The following GNG2 variants were observed in gnomAD, a reference collection of about 807,000 sequenced individuals.
The protein encoded by GNG2 is guanine nucleotide-binding protein G(I)/G(S)/G(O) subunit gamma-2.
In GNG2, 5 loss-of-function variants were observed where a neutral mutation model predicts 5.5. The ratio of observed to expected loss-of-function variants is 0.91; its 90% CI spans 0.48 to 1.92. The LOEUF is 1.92. Ranked by LOEUF, GNG2 falls within the 30% of genes most tolerant of loss-of-function variation. The pLI is 0.01. For synonymous variants in GNG2, 28 were observed against 32.0 expected, an observed-to-expected ratio of 0.88 and a Z score of 0.42; for missense variants, 55 against 88.4, an observed-to-expected ratio of 0.62 and a Z score of 1.52.
In GNG2 at chr14:51,866,403, C is replaced by T. The variant is rs146355659; in HGVS notation, c.-71+5613C>T. On this transcript the variant is annotated intron_variant, in intron 1 of 3. Transcript: ENST00000556766. Reference sequence around the variant, plus strand: ...CAACCAAGTCCCTACTGCCTTTGTGCGTTAGAAGTGACCTCACTTTCTGTC... The same window carrying T: ...CAACCAAGTCCCTACTGCCTTTGTGTGTTAGAAGTGACCTCACTTTCTGTC... 2.6e-5 allele frequency among the ~76,000 whole-genome samples: 4 copies of T among 152,192 alleles called. No individual in the cohort carries two copies. In the East Asian group the frequency reaches 7.7e-4, roughly 29 times the overall value.
intron 2 of GNG2, among the ~76,000 whole-genome samples, chr14:51,907,115 G>C (rs1885981888): frequency 6.6e-6 from 1 of 152,150 alleles, no homozygotes; most frequent in Non-Finnish European, 1.5e-5. Flanking sequence ...GGCAGCACAG[G>C]CATGACGGCT....
intron 2 of GNG2, among the ~76,000 whole-genome samples, chr14:51,936,089 T>C (rs1423446540): frequency 1.3e-5 from 2 of 152,156 alleles, no homozygotes; most frequent in Non-Finnish European, 2.9e-5. Context: ...CCGCCAGAAC[T>C]GGACCAAACT....
chr14:51,916,562 G>A, intron 2 of GNG2: 1 of 441,872 alleles, frequency 2.3e-6, no homozygotes, highest in Non-Finnish European at 4.5e-6. Context: ...TCCTGGGACA[G>A]CGGATTTGCA....
At chr14:51,962,722 G>GT (rs1889685846) in intron 3 of GNG2, among the ~76,000 whole-genome samples, 1 of 152,186 alleles carries the variant, frequency 6.6e-6, no homozygotes, top group African/African-American at 2.4e-5. Context: ...ATTTTCTGGA[G>GT]TTATTGGGGA....
chr14:51,966,227 A>AAAAAAAAAAAAC (rs1566720324), intron 3 of GNG2, among the ~76,000 whole-genome samples: 1 of 148,842 alleles, frequency 6.7e-6, no homozygotes, highest in African/African-American at 2.5e-5. Context: ...AAAAAAAAAA[A>AAAAAAAAAAAAC]AAAAAAAAAA....
At chr14:51,890,083 T>C (rs926044664) in intron 2 of GNG2, among the ~76,000 whole-genome samples, 1 of 152,172 alleles carries the variant, frequency 6.6e-6, no homozygotes, top group Non-Finnish European at 1.5e-5. Context: ...AAATGAGTAG[T>C]GATTCAGTCA....
chr14:51,914,131 T>C, intron 2 of GNG2: 1 of 668,258 alleles, frequency 1.5e-6, no homozygotes, highest in South Asian at 1.6e-5. Context: ...ATTGCAATCA[T>C]CTTGTTTTTG....
intron 2 of GNG2, among the ~76,000 whole-genome samples, chr14:51,921,638 A>G (rs1465062562): frequency 6.6e-6 from 1 of 152,206 alleles, no homozygotes; most frequent in Non-Finnish European, 1.5e-5. Context: ...CACACAGGAT[A>G]TTGAACTAGT....
intron 2 of GNG2, among the ~76,000 whole-genome samples, chr14:51,921,516 CT>C (rs1887014294): frequency 6.6e-6 from 1 of 152,186 alleles, no homozygotes; most frequent in Non-Finnish European, 1.5e-5. Flanking sequence ...TAAAGCACAA[CT>C]TTTTATTGTT....
At chr14:51,836,962 A>T (rs1881349125) in intron 2 of GNG2, among the ~76,000 whole-genome samples, 1 of 148,420 alleles carries the variant, frequency 6.7e-6, no homozygotes, top group Non-Finnish European at 1.5e-5. Context: ...GGTTCAAGCG[A>T]TTCTCCTGCC....
intron 1 of GNG2, 51 bp from the exon 2 acceptor site, chr14:51,877,566 A>G (rs978240278): frequency 4.4e-6 from 2 of 453,868 alleles, no homozygotes; most frequent in African/African-American, 4.0e-5. Flanking sequence ...CTTGTGTATC[A>G]TGTTATTTTT....
rs533813817 is a variant in GNG2, at chr14:51,921,760, TC to T, written c.-29-28889del. Among the ~76,000 whole-genome samples the T allele has an allele frequency of 1.9e-3, 285 of 152,288 alleles. 2 individuals are homozygous for T. Among genetic ancestry groups the T allele is most frequent in the African/African-American group, 6.4e-3 (265 of 41,572 alleles). ...TGCTCTTATGCCAATGGGTTTTTGC[TC>T]TACTTAAGCAACATGAGACCTCATA... On this transcript the variant is annotated intron_variant, in intron 2 of 3. Transcript: ENST00000556766.
intron 2 of GNG2, chr14:51,916,250 C>A: frequency 3.8e-6 from 1 of 261,708 alleles, no homozygotes; most frequent in Non-Finnish European, 7.5e-6. Flanking sequence ...AGACAGAGAG[C>A]CATATTTTAC....
chr14:51,963,726 T>A (rs1208854278), intron 3 of GNG2, among the ~76,000 whole-genome samples: 1 of 152,350 alleles, frequency 6.6e-6, no homozygotes, highest in African/African-American at 2.4e-5. Flanking sequence ...TGTGCTTTGC[T>A]CTATGATATT....
intron 3 of GNG2, among the ~76,000 whole-genome samples, chr14:51,961,547 T>C (rs1889615406): frequency 6.6e-6 from 1 of 152,172 alleles, no homozygotes; most frequent in Non-Finnish European, 1.5e-5. Context: ...AAACAAACGA[T>C]GTCCGTAATT....
chr14:51,916,658 C>T lies in GNG2; in HGVS notation c.-29-33992C>T, dbSNP rs183125554. 8.4e-3 allele frequency among the ~76,000 whole-genome samples: 1,283 copies of T among 152,242 alleles called. 6 individuals are homozygous for T. The highest frequency in any genetic ancestry group is 0.012 in the Non-Finnish European group (817 of 67,994). On this transcript the variant is annotated intron_variant, in intron 2 of 3. Coordinates refer to ENST00000556766, the MANE Select transcript of GNG2 (RefSeq NM_053064.5). The stretch of plus-strand genomic sequence containing the variant: ...AGGTGCTGGGAGGCCTACCTGCCTG[C>T]GGTGTGGTGGAGCAGTGCCAGGCTG...
At chr14:51,917,249 A>G in intron 2 of GNG2, 2 of 403,106 alleles carry the variant, frequency 5.0e-6, no homozygotes, top group South Asian at 3.6e-5. Flanking sequence ...CAAAATATCC[A>G]CCAGTCAGCA....
intron 3 of GNG2, among the ~76,000 whole-genome samples, chr14:51,966,233 A>C (rs1889901670): frequency 6.7e-6 from 1 of 150,194 alleles, no homozygotes; most frequent in South Asian, 2.1e-4. Context: ...AAAAAAAAAA[A>C]AAAACAAATG....
rs1405066860 is a variant in GNG2, at chr14:51,966,959, C to G, written c.*272C>G. ...GGTGTCACTTCTTTTCTGCTATCCC[C>G]CAGCCCCCCCCCCAAAATCCTCATG... On this transcript the variant is annotated 3_prime_UTR_variant, in exon 4 of 4. Transcript: ENST00000556766. The G allele has an allele frequency of 4.3e-5, 6 of 138,742 alleles. No individual in the cohort carries two copies. The highest frequency in any genetic ancestry group is 7.8e-5 in the Non-Finnish European group (6 of 76,636). 8.6% of individuals were successfully genotyped at this position (138,742 alleles called of 1,614,324 possible). A position where few individuals can be genotyped will look rare whatever the true frequency, so the allele number is the denominator to read the frequency against.
Sources: allele counts gnomAD v4.1 joint callset (sites outside exome capture counted in the v4.1 genomes callset), GRCh38; gene constraint gnomAD v4.1.1; transcripts MANE v1.5; gene names NCBI Gene and HGNC (gene_info 2026-07-23, HGNC 2026-07-21).